Variants in AGAP1 observed in about 807,000 individuals in gnomAD.
The protein encoded by AGAP1 is ArfGAP with GTPase domain, ankyrin repeat and PH domain 1.
A neutral mutation model predicts 105.3 loss-of-function variants in AGAP1; 29 were observed. The observed-to-expected ratio is 0.28, with a 90% CI of 0.21 to 0.38. The LOEUF is 0.38. AGAP1 is among the 10% of genes least tolerant of loss of function. AGAP1 has a pLI of 1.00. For missense variants in AGAP1, 998 were observed against 1,165.1 expected (o/e 0.86, Z 2.09); for synonymous variants, 509 against 485.9 (o/e 1.05, Z -0.63).
rs1473286876 is a variant in AGAP1 at position 235,660,382 on chromosome 2, A to G, written c.164-48797A>G. Among the ~76,000 whole-genome samples, 1 of 152,176 alleles carries G rather than the reference A, an allele frequency of 6.6e-6. No homozygotes were observed. Among genetic ancestry groups the G allele is most frequent in the Non-Finnish European group, 1.5e-5 (1 of 68,032 alleles). On this transcript the variant is annotated intron_variant, in intron 1 of 17. Coordinates refer to ENST00000304032, the MANE Select transcript of AGAP1 (RefSeq NM_001037131.3). This position sits in a 1 kb window ranked among gnomAD's most constrained non-coding sequence, Gnocchi z 5.3. ...CATGACTGAGGCATTACCTGCACTG[A>G]TTAAGTCAACCATCAAGCAGCATTT...
chr2:235,590,692 C>CAT (rs1553574187), intron 1 of AGAP1, among the ~76,000 whole-genome samples: 3 of 72,596 alleles, frequency 4.1e-5, no homozygotes, highest in South Asian at 5.9e-4. Context: ...TGTGCGTGTG[C>CAT]GTGTGTGTGT....
chr2:235,576,400 G>A (rs993619880), intron 1 of AGAP1, among the ~76,000 whole-genome samples: 2 of 152,210 alleles, frequency 1.3e-5, no homozygotes, highest in African/African-American at 4.8e-5. Context: ...TTCTCAGTGC[G>A]CTGTGTCCTC....
In AGAP1 at chr2:235,887,832, G is replaced by A. The variant is rs144787517; in HGVS notation, c.1155+4383G>A. On this transcript the variant is annotated intron_variant, in intron 10 of 17. Transcript: ENST00000304032. The surrounding 1 kb of genome is among the most constrained non-coding windows in gnomAD (Gnocchi z 4.1). ...GAAACTAGCATGCTTTTGGGGAGAC[G>A]GGATTCTAATCAGCTAATACTTCTA... Among the ~76,000 whole-genome samples the A allele has an allele frequency of 5.2e-3, 799 of 152,310 alleles. 3 individuals carry two copies. Among genetic ancestry groups the A allele is most frequent in the Non-Finnish European group, 9.3e-3 (633 of 68,030 alleles).
Position 236,102,239 on chromosome 2 carries a change from A to C in AGAP1, c.2115-17953A>C, listed in dbSNP as rs930919722. Among the ~76,000 whole-genome samples, 9 of 152,214 alleles carry C rather than the reference A, an allele frequency of 5.9e-5. No homozygotes were observed. The East Asian group carries it at 1.7e-3, about 29-fold the overall frequency. On this transcript the variant is annotated intron_variant, in intron 16 of 17. Coordinates refer to ENST00000304032, the MANE Select transcript of AGAP1 (RefSeq NM_001037131.3). ...GAGACCATCCTGGCTAACACGGTGAAACCCTGTTTCTACTAAAAATACAAA... is the reference window on the plus strand; with the variant it reads ...GAGACCATCCTGGCTAACACGGTGACACCCTGTTTCTACTAAAAATACAAA...
At chr2:235,589,183 CTTATTGTTTTGTTTTTTTTTTTTTTTT>C (rs1328874683) in intron 1 of AGAP1, among the ~76,000 whole-genome samples, 4 of 103,034 alleles carry the variant, frequency 3.9e-5, no homozygotes, top group Non-Finnish European at 7.8e-5. Context: ...CAGTTAATAG[CTTATTGTTTTGTTTTTTTTTTTTTTTT>C]TTTTTTTTTT....
intron 1 of AGAP1, among the ~76,000 whole-genome samples, chr2:235,607,216 G>T (rs892315522): frequency 1.3e-5 from 2 of 152,106 alleles, no homozygotes; most frequent in Non-Finnish European, 2.9e-5. Flanking sequence ...ACCCAGGGCT[G>T]CCCCTAGACC....
rs150199704 is a variant in AGAP1, at chr2:235,751,465, G to A, written c.673+977G>A. Among the ~76,000 whole-genome samples, 565 of 152,274 alleles carry A rather than the reference G, an allele frequency of 3.7e-3. 3 individuals are homozygous for A. The highest frequency in any genetic ancestry group is 0.013 in the African/African-American group (541 of 41,568). ...GGGCTCTCCAGAGAGTGCTGGAGCC[G>A]CTTCAAGGTGATGGAGGACTCGCCG... On this transcript the variant is annotated intron_variant, in intron 6 of 17. Coordinates refer to ENST00000304032, the MANE Select transcript of AGAP1 (RefSeq NM_001037131.3). The surrounding 1 kb of genome is among the most constrained non-coding windows in gnomAD (Gnocchi z 5.3).
At chr2:235,836,203 G>A (rs995851436) in intron 9 of AGAP1, among the ~76,000 whole-genome samples, 7 of 152,144 alleles carry the variant, frequency 4.6e-5, no homozygotes, top group African/African-American at 1.4e-4. Flanking sequence ...CCCTTTAGCC[G>A]GCTTTTGAAT....
chr2:235,573,584 C>T (rs927689430), intron 1 of AGAP1, among the ~76,000 whole-genome samples: 4 of 152,110 alleles, frequency 2.6e-5, no homozygotes, highest in South Asian at 2.1e-4. Flanking sequence ...CCCATTTCAT[C>T]GATTTGTGTG....
At chr2:235,995,330 C>T (rs545864974) in intron 13 of AGAP1, among the ~76,000 whole-genome samples, 166 of 151,984 alleles carry the variant, frequency 1.1e-3, no homozygotes, top group African/African-American at 3.5e-3. Flanking sequence ...GCCTGGCCAA[C>T]ATGGTGAAAC....
At position 236,127,412 on chromosome 2, in the gene AGAP1, G is replaced by T. The variant is rs1336339718; in HGVS notation, c.*3290G>T. ...GTGCAGTGTCCTGTCTCCCAAGTGT[G>T]TGCACAATGTATATATGCACTGGAA... On this transcript the variant is annotated 3_prime_UTR_variant, in exon 18 of 18. Coordinates refer to ENST00000304032, the MANE Select transcript of AGAP1 (RefSeq NM_001037131.3). The surrounding 1 kb of genome is among the most constrained non-coding windows in gnomAD (Gnocchi z 6.6). 6.6e-6 allele frequency: 1 copy of T among 152,230 alleles called. No individual in the cohort carries two copies. The highest frequency in any genetic ancestry group is 2.4e-5 in the African/African-American group (1 of 41,440). The allele number at this position is 152,230 out of a possible 1,614,324, so 9.4% of individuals were successfully genotyped here.
chr2:235,835,287 G>T (rs1001382811), intron 9 of AGAP1, among the ~76,000 whole-genome samples: 4 of 152,186 alleles, frequency 2.6e-5, no homozygotes, highest in African/African-American at 7.2e-5. Flanking sequence ...GTCAGAGCCT[G>T]TACACCCCAA....
At position 236,124,249 on chromosome 2, in the gene AGAP1, GC is replaced by G; in HGVS notation, c.*130del. Reference sequence around the variant, plus strand: ...TCTTCCTGGTGGCCACCTCCCTCCCGCCCACCCACTCTCACCCCAAACAAAA... The same window carrying G: ...TCTTCCTGGTGGCCACCTCCCTCCCGCCACCCACTCTCACCCCAAACAAAA... On this transcript the variant is annotated 3_prime_UTR_variant, in exon 18 of 18. Coordinates refer to ENST00000304032, the MANE Select transcript of AGAP1 (RefSeq NM_001037131.3). This position sits in a 1 kb window ranked among gnomAD's most constrained non-coding sequence, Gnocchi z 5.1. 1 of 1,036,786 alleles carries G rather than the reference GC, an allele frequency of 9.6e-7. No individual in the cohort carries two copies. Among genetic ancestry groups the G allele is most frequent in the Non-Finnish European group, 1.4e-6 (1 of 713,390 alleles). The allele number at this position is 1,036,786 out of a possible 1,614,324, so 64.2% of individuals were successfully genotyped here.
chr2:235,845,469 T>TG lies in AGAP1; in HGVS notation c.1051-37873dup, dbSNP rs11395665. Among the ~76,000 whole-genome samples the TG allele has an allele frequency of 0.47, 70,975 of 151,788 alleles. 19,168 individuals are homozygous for TG. The highest frequency in any genetic ancestry group is 0.8 in the East Asian group (4,132 of 5,152). The stretch of plus-strand genomic sequence containing the variant: ...GGGGAATGAGCATTGTTCAGCCAGC[T>TG]GGGCGAACCCTGGGCTTCCTGAGGA... On this transcript the variant is annotated intron_variant, in intron 9 of 17. Transcript: ENST00000304032. This position sits in a 1 kb window ranked among gnomAD's most constrained non-coding sequence, Gnocchi z 4.8.
rs138957687 is a variant in AGAP1 at position 236,075,159 on chromosome 2, G to A, written c.2114+25878G>A. On this transcript the variant is annotated intron_variant, in intron 16 of 17. Coordinates refer to ENST00000304032, the MANE Select transcript of AGAP1 (RefSeq NM_001037131.3). ...AGATAGAAGGAGAAGCGGTTGCGTC[G>A]GTGTGGAAAGGAAAATTTCAGGTGG... 2.7e-3 allele frequency among the ~76,000 whole-genome samples: 411 copies of A among 152,260 alleles called. 2 individuals carry two copies. Among genetic ancestry groups the A allele is most frequent in the African/African-American group, 9.6e-3 (398 of 41,560 alleles).
chr2:235,703,085 A>G (rs1341223766), intron 1 of AGAP1, among the ~76,000 whole-genome samples: 2 of 151,200 alleles, frequency 1.3e-5, no homozygotes, highest in Non-Finnish European at 3.0e-5. Context: ...ACACCACCTC[A>G]CTTGGCTAGT....
intron 9 of AGAP1, among the ~76,000 whole-genome samples, chr2:235,859,500 A>G (rs2048835705): frequency 6.8e-6 from 1 of 147,292 alleles, no homozygotes; most frequent in Non-Finnish European, 1.5e-5. Flanking sequence ...AGGAACGACT[A>G]ATTGGTATGA....
At chr2:235,647,250 T>C (rs1947422796) in intron 1 of AGAP1, among the ~76,000 whole-genome samples, 1 of 152,240 alleles carries the variant, frequency 6.6e-6, no homozygotes, top group Non-Finnish European at 1.5e-5. Flanking sequence ...GTTTTGTAAT[T>C]ATCATCTTAA....
intron 11 of AGAP1, among the ~76,000 whole-genome samples, chr2:235,915,727 G>A (rs1231245883): frequency 6.6e-6 from 1 of 152,128 alleles, no homozygotes; most frequent in Non-Finnish European, 1.5e-5. Context: ...TATGAATAAA[G>A]ATTGTGAAAA....
Sources: gnomAD v4.1 joint callset for allele counts (sites outside exome capture counted in the v4.1 genomes callset) on GRCh38, gnomAD v4.1.1 for gene constraint, Gnocchi (gnomAD v3.1) non-coding constraint, MANE v1.5 for transcripts, NCBI Gene and HGNC (gene_info 2026-07-23, HGNC 2026-07-21) for gene names.